Variants in NIBAN1 observed in about 807,000 individuals in gnomAD.
The protein encoded by NIBAN1 is niban apoptosis regulator 1.
A neutral mutation model predicts 75.1 loss-of-function variants in NIBAN1; 81 were observed. That is an observed-to-expected ratio of 1.08 (90% CI 0.90 to 1.30). NIBAN1 has a LOEUF of 1.30. Ranked by LOEUF, NIBAN1 falls within the 50% of genes most tolerant of loss-of-function variation. NIBAN1 has a pLI of 0.00. For synonymous variants in NIBAN1, 436 were observed against 424.8 expected (o/e 1.03, Z -0.32); for missense variants, 1,133 against 1,128.1 (o/e 1.00, Z -0.06).
intron 5 of NIBAN1, among the ~76,000 whole-genome samples, chr1:184,846,711 A>G (rs1345926755): frequency 1.7e-4 from 1 of 5,944 alleles, no homozygotes; most frequent in Non-Finnish European, 3.2e-4. Context: ...AAGGCAAAGA[A>G]GTTGAAAACT....
At chr1:184,835,309 T>C (rs1216711034) in intron 5 of NIBAN1, among the ~76,000 whole-genome samples, 1 of 152,244 alleles carries the variant, frequency 6.6e-6, no homozygotes, top group Non-Finnish European at 1.5e-5. Flanking sequence ...TTGCTTAGGA[T>C]TGTCTTGGCA....
chr1:184,962,543 A>G (rs1658677297), intron 1 of NIBAN1, among the ~76,000 whole-genome samples: 2 of 152,242 alleles, frequency 1.3e-5, no homozygotes, highest in Non-Finnish European at 2.9e-5. Flanking sequence ...TAATATTGAA[A>G]TATTATTTCC....
At chr1:184,799,198 C>G (rs998532864) in intron 12 of NIBAN1, among the ~76,000 whole-genome samples, 1 of 151,950 alleles carries the variant, frequency 6.6e-6, no homozygotes, top group African/African-American at 2.4e-5. Context: ...CCCTCTCCCC[C>G]CACCCCACAA....
At chr1:184,852,279 GGTTT>G (rs1389575397) in intron 5 of NIBAN1, among the ~76,000 whole-genome samples, 1 of 152,188 alleles carries the variant, frequency 6.6e-6, no homozygotes, top group African/African-American at 2.4e-5. Flanking sequence ...ACACTTTTGA[GGTTT>G]GTCACGAATG....
At chr1:184,824,671 A>T (rs549432068) in intron 6 of NIBAN1, among the ~76,000 whole-genome samples, 35 of 152,338 alleles carry the variant, frequency 2.3e-4, no homozygotes, top group African/African-American at 8.4e-4. Context: ...ACTTCTGGTA[A>T]CCATACAATT....
intron 5 of NIBAN1, among the ~76,000 whole-genome samples, chr1:184,877,077 T>C (rs547723323): frequency 1.3e-5 from 2 of 152,250 alleles, no homozygotes; most frequent in Admixed American, 6.5e-5. Flanking sequence ...CAATAATAAA[T>C]AGTGGAAACA....
At chr1:184,822,937 C>T (rs1654742180) in intron 8 of NIBAN1, among the ~76,000 whole-genome samples, 1 of 152,048 alleles carries the variant, frequency 6.6e-6, no homozygotes, top group Non-Finnish European at 1.5e-5. Context: ...AATACACAGG[C>T]ACTGCCAAAG....
intron 3 of NIBAN1, among the ~76,000 whole-genome samples, chr1:184,891,929 C>A (rs1446713960): frequency 6.6e-6 from 1 of 152,050 alleles, no homozygotes; most frequent in African/African-American, 2.4e-5. Context: ...TGGTTATTAC[C>A]AAATTAAGTC....
rs1370743082 is a variant in NIBAN1 at position 184,864,484 on chromosome 1, T to C, written c.601+20149A>G. On this transcript the variant is annotated intron_variant, in intron 5 of 13. Coordinates refer to ENST00000367511, the MANE Select transcript of NIBAN1 (RefSeq NM_052966.4). ...AGGGTGAATTTAGAGGAAGCTGTTA[T>C]CTTCCCTGACATTATTCCAGTAACG... 2.6e-5 allele frequency among the ~76,000 whole-genome samples: 4 copies of C among 152,302 alleles called. No homozygotes were observed. In the East Asian group the frequency reaches 7.7e-4, roughly 29 times the overall value.
chr1:184,877,905 AAAAC>A (rs1414696951), intron 5 of NIBAN1, among the ~76,000 whole-genome samples: 15 of 129,022 alleles, frequency 1.2e-4, no homozygotes, highest in East Asian at 6.7e-4. Flanking sequence ...TAGCACGAAC[AAAAC>A]AATTTTTTTT....
intron 1 of NIBAN1, among the ~76,000 whole-genome samples, chr1:184,960,982 A>C (rs969150507): frequency 6.2e-5 from 9 of 144,384 alleles, no homozygotes; most frequent in Admixed American, 2.1e-4. Flanking sequence ...CCTCTTGCTC[A>C]CTACACTCCC....
chr1:184,807,456 G>A (rs1394154945), intron 10 of NIBAN1, among the ~76,000 whole-genome samples: 1 of 152,118 alleles, frequency 6.6e-6, no homozygotes, highest in African/African-American at 2.4e-5. Flanking sequence ...CTGCATATTA[G>A]AAACAGTAGG....
intron 13 of NIBAN1, among the ~76,000 whole-genome samples, chr1:184,796,303 C>T (rs562645269): frequency 6.6e-6 from 1 of 152,304 alleles, no homozygotes; most frequent in South Asian, 2.1e-4. Flanking sequence ...AAACAGCAAA[C>T]ATTTGCAGGA....
intron 7 of NIBAN1, 24 bp downstream of exon 7, chr1:184,823,614 T>C (rs1654763153): frequency 1.2e-6 from 2 of 1,609,196 alleles, no homozygotes; most frequent in Non-Finnish European, 1.7e-6. Context: ...AGTAGCTCAG[T>C]TGTAGAGCAA....
chr1:184,970,381 G>A (rs1658905807), intron 1 of NIBAN1, among the ~76,000 whole-genome samples: 1 of 152,078 alleles, frequency 6.6e-6, no homozygotes, highest in African/African-American at 2.4e-5. Flanking sequence ...GACCGAAGAA[G>A]CAAATGTGTG....
At chr1:184,842,043 G>C (rs1353023160) in intron 5 of NIBAN1, among the ~76,000 whole-genome samples, 9 of 152,174 alleles carry the variant, frequency 5.9e-5, no homozygotes, top group Admixed American at 5.9e-4. Context: ...AAAGAAAGGA[G>C]GGAACGTGGG....
Position 184,791,170 on chromosome 1 carries a change from G to C in NIBAN1, c.*3807C>G. The C allele has an allele frequency of 2.4e-6, 1 of 413,088 alleles. No individual in the cohort carries two copies. The highest frequency in any genetic ancestry group is 4.9e-6 in the Non-Finnish European group (1 of 205,186). The allele number at this position is 413,088 out of a possible 1,614,324, so 25.6% of individuals were successfully genotyped here. A position where few individuals can be genotyped will look rare whatever the true frequency, so the allele number is the denominator to read the frequency against. Reference sequence around the variant, plus strand: ...GTCGATTTTTTTTCTTGAAGTTGCAGACTTTAGAAGGCAAACCCTCAAACC... The same window carrying C: ...GTCGATTTTTTTTCTTGAAGTTGCACACTTTAGAAGGCAAACCCTCAAACC... On this transcript the variant is annotated 3_prime_UTR_variant, in exon 14 of 14. Coordinates refer to ENST00000367511, the MANE Select transcript of NIBAN1 (RefSeq NM_052966.4).
intron 5 of NIBAN1, among the ~76,000 whole-genome samples, chr1:184,876,800 G>A (rs961031923): frequency 7.2e-5 from 11 of 152,058 alleles, no homozygotes; most frequent in Non-Finnish European, 1.3e-4. Context: ...TTACAGGCAC[G>A]CTCTGCCAAA....
At chr1:184,946,698 G>GAAT (rs1658232633) in intron 1 of NIBAN1, among the ~76,000 whole-genome samples, 1 of 152,128 alleles carries the variant, frequency 6.6e-6, no homozygotes, top group African/African-American at 2.4e-5. Context: ...ATAAAAACTA[G>GAAT]AATACCTGCT....
Sources: gnomAD v4.1 joint callset for allele counts (sites outside exome capture counted in the v4.1 genomes callset) on GRCh38, gnomAD v4.1.1 for gene constraint, MANE v1.5 for transcripts, NCBI Gene and HGNC (gene_info 2026-07-23, HGNC 2026-07-21) for gene names.